The following GRM2 variants were observed in gnomAD, a reference collection of about 807,000 sequenced individuals.
The protein encoded by GRM2 is glutamate metabotropic receptor 2.
Under a neutral mutation model 60.4 loss-of-function variants are expected in GRM2, and 35 were observed. The ratio of observed to expected loss-of-function variants is 0.58; its 90% CI spans 0.44 to 0.77. The LOEUF (loss-of-function observed/expected upper bound fraction) is 0.77, where lower values mean the gene tolerates loss of function less well. Ranked by LOEUF, GRM2 falls within the 30% of genes least tolerant of loss-of-function variation. The pLI, the probability that GRM2 is intolerant of heterozygous loss-of-function variation, is 0.00. For synonymous variants in GRM2, 437 were observed against 484.1 expected, an observed-to-expected ratio of 0.90 and a Z score of 1.28; for missense variants, 925 against 1,199.5, an observed-to-expected ratio of 0.77 and a Z score of 3.38.
At position 51,709,160 on chromosome 3, in the gene GRM2, C is replaced by A. The variant is rs778471244; in HGVS notation, c.177C>A (p.Ile59=). ...GTCCTGTCAATGAGCACCGTGGCAT[C>A]CAGCGCCTGGAGGCCATGCTTTTTG... The part of the protein sequence containing the change: ...DCGPVNEHRG[I]QRLEAMLFAL... Residue 59 remains isoleucine (I), a synonymous_variant, in exon 2 of 6, where the codon ATC becomes ATA. Coordinates refer to ENST00000395052, the MANE Select transcript of GRM2 (RefSeq NM_000839.5). The A allele has an allele frequency of 1.9e-6, 3 of 1,612,458 alleles. No homozygotes were observed. The highest frequency in any genetic ancestry group is 2.5e-6 in the Non-Finnish European group (3 of 1,179,632).
At position 51,715,054 on chromosome 3, in the gene GRM2, C is replaced by T. The variant is rs201150100; in HGVS notation, c.1289-8C>T. 6.6e-7 allele frequency: 1 copy of T among 1,517,784 alleles called. No individual in the cohort carries two copies. Among genetic ancestry groups the T allele is most frequent in the Non-Finnish European group, 8.9e-7 (1 of 1,121,202 alleles). 94.0% of individuals were successfully genotyped at this position (1,517,784 alleles called of 1,614,324 possible). ...CCAACCTTCTCTTCCTTCCCTCCCC[C>T]ATCCTAGCCCCCTTTCGCCCAGCTG... On this transcript the variant is annotated splice_region_variant and splice_polypyrimidine_tract_variant and intron_variant, in intron 3 of 5. Coordinates refer to ENST00000395052, the MANE Select transcript of GRM2 (RefSeq NM_000839.5). This position sits in a 1 kb window ranked among gnomAD's most constrained non-coding sequence, Gnocchi z 9.0.
Position 51,712,458 on chromosome 3 carries a change from C to G in GRM2, c.451-15C>G. ...ATCTGACCGCTGATCTTTGCCTTCT[C>G]TACTCCTCCCCCAGGTGGCCAACCT... is the stretch of plus-strand genomic sequence containing the variant. On this transcript the variant is annotated splice_polypyrimidine_tract_variant and intron_variant, in intron 2 of 5. Transcript: ENST00000395052. This position sits in a 1 kb window ranked among gnomAD's most constrained non-coding sequence, Gnocchi z 5.3. 6.4e-7 allele frequency: 1 copy of G among 1,563,270 alleles called. No individual in the cohort carries two copies. Among genetic ancestry groups the G allele is most frequent in the Non-Finnish European group, 8.8e-7 (1 of 1,136,840 alleles).
At chr3:51,709,660 A>ACG (rs1703622403) in intron 2 of GRM2, among the ~76,000 whole-genome samples, 1 of 79,914 alleles carries the variant, frequency 1.3e-5, no homozygotes, top group African/African-American at 4.6e-5. Flanking sequence ...CCACACACAC[A>ACG]CACACCCTCA....
At chr3:51,709,836 C>T (rs1426016217) in intron 2 of GRM2, among the ~76,000 whole-genome samples, 6 of 127,518 alleles carry the variant, frequency 4.7e-5, no homozygotes, top group East Asian at 4.3e-4. Context: ...CCCAGACACA[C>T]ACACCCTCAC....
At chr3:51,714,928 T>A in intron 3 of GRM2, 134 bp from the exon 4 acceptor site, 1 of 534,392 alleles carries the variant, frequency 1.9e-6, no homozygotes. Flanking sequence ...CAGGATTTAG[T>A]ATTGGGTTAA....
In GRM2 at chr3:51,712,526, C is replaced by A. The variant is rs747436744; in HGVS notation, c.504C>A (p.Thr168=). 5 of 1,614,128 alleles carry A rather than the reference C, an allele frequency of 3.1e-6. No homozygotes were observed. The highest frequency in any genetic ancestry group is 4.2e-6 in the Non-Finnish European group (5 of 1,180,022). Residue 168 remains threonine (T), a synonymous_variant, in exon 3 of 6, where the codon ACC becomes ACA. Transcript: ENST00000395052. The surrounding 1 kb of genome is among the most constrained non-coding windows in gnomAD (Gnocchi z 5.3). ...FQIPQISYAS[T]SAKLSDKSRY... The stretch of plus-strand genomic sequence containing the variant: ...TCCCACAGATTAGCTACGCCTCTAC[C>A]AGTGCCAAGCTGAGTGACAAGTCCC...
intron 2 of GRM2, among the ~76,000 whole-genome samples, chr3:51,710,001 C>CT (rs1250830953): frequency 8.1e-6 from 1 of 124,048 alleles, no homozygotes; most frequent in East Asian, 2.4e-4. Flanking sequence ...TTTTTTTTTT[C>CT]TTTTTTGAGA....
Position 51,713,690 on chromosome 3 carries a change from C to T in GRM2, c.1288+380C>T, listed in dbSNP as rs140474756. The T allele has an allele frequency of 6.0e-5, 18 of 301,456 alleles. No individual in the cohort carries two copies. Among genetic ancestry groups the T allele is most frequent in the South Asian group, 2.5e-4 (6 of 23,652 alleles). 18.7% of individuals were successfully genotyped at this position (301,456 alleles called of 1,614,324 possible). ...GGCTTGAGGGTGAGCATCAGGATGA[C>T]GCTCTATATTCACGGAAAATGTCTT... On this transcript the variant is annotated intron_variant, in intron 3 of 5. Coordinates refer to ENST00000395052, the MANE Select transcript of GRM2 (RefSeq NM_000839.5). The surrounding 1 kb of genome is among the most constrained non-coding windows in gnomAD (Gnocchi z 4.8).
rs528778745 is a variant in GRM2 at position 51,715,309 on chromosome 3, G to C, written c.1536G>C (p.Val512=). The C allele has an allele frequency of 3.1e-6, 5 of 1,613,192 alleles. No individual in the cohort carries two copies. In the African/African-American group the frequency reaches 6.7e-5, roughly 21 times the overall value. ...GCCTCCAGAATGAGGTGAAGAGTGT[G>C]CAGCCGGGCGAAGTCTGCTGCTGGC... ...EPCLQNEVKS[V]QPGEVCCWLC... is the part of the protein sequence containing the mutation. The change falls in exon 4 of 6, where the codon GTG becomes GTC. Residue 512 remains valine, a synonymous_variant. Coordinates refer to ENST00000395052, the MANE Select transcript of GRM2 (RefSeq NM_000839.5). The surrounding 1 kb of genome is among the most constrained non-coding windows in gnomAD (Gnocchi z 9.0).
At chr3:51,708,734 C>T in intron 1 of GRM2, 114 bp from the exon 2 acceptor site, 1 of 469,512 alleles carries the variant, frequency 2.1e-6, no homozygotes, top group East Asian at 3.3e-5. Flanking sequence ...CTGTCCCTCC[C>T]TGGCTTTTGA....
intron 2 of GRM2, among the ~76,000 whole-genome samples, chr3:51,710,617 A>G (rs1703679520): frequency 6.7e-6 from 1 of 150,212 alleles, no homozygotes; most frequent in African/African-American, 2.5e-5. Flanking sequence ...CAGAAGGAAG[A>G]TAAACAGAAT....
rs201672494 is a variant in GRM2, at chr3:51,717,705, G to A, written c.2433G>A (p.Ala811=). 7 of 1,613,994 alleles carry A rather than the reference G, an allele frequency of 4.3e-6. No individual in the cohort carries two copies. The highest frequency in any genetic ancestry group is 5.9e-6 in the Non-Finnish European group (7 of 1,179,964). The change falls in exon 5 of 6, where the codon GCG becomes GCA. Residue 811 remains alanine (A), a synonymous_variant. Transcript: ENST00000395052. The surrounding 1 kb of genome is among the most constrained non-coding windows in gnomAD (Gnocchi z 6.0). ...SGSVVLGCLF[A]PKLHIILFQP... The stretch of plus-strand genomic sequence containing the variant: ...CCGTGGTGCTTGGCTGCCTCTTTGC[G>A]CCCAAGCTGCACATCATCCTCTTCC...
At position 51,712,824 on chromosome 3, in the gene GRM2, C is replaced by G. The variant is rs1199867200; in HGVS notation, c.802C>G (p.Leu268Val). ...GAAGCCCAGTGCCCGCGTGGCTGTC[C>G]TGTTCACCCGTTCTGAGGATGCCCG... ...LQKPSARVAV[L>V]FTRSEDAREL... is the part of the protein sequence containing the mutation. Residue 268 changes from leucine (L) to valine (V), a missense_variant, in exon 3 of 6, where the codon CTG becomes GTG. Leu to Val is a conservative substitution (Grantham distance 32). Coordinates refer to ENST00000395052, the MANE Select transcript of GRM2 (RefSeq NM_000839.5). This position sits in a 1 kb window ranked among gnomAD's most constrained non-coding sequence, Gnocchi z 5.3. 4 of 1,612,856 alleles carry G rather than the reference C, an allele frequency of 2.5e-6. No homozygotes were observed. In the African/African-American group the frequency reaches 5.3e-5, roughly 22 times the overall value.
rs982835926 is a variant in GRM2, at chr3:51,717,808, C to T, written c.2536C>T (p.Leu846Phe). 2 of 1,613,684 alleles carry T rather than the reference C, an allele frequency of 1.2e-6. No homozygotes were observed. Among genetic ancestry groups the T allele is most frequent in the African/African-American group, 1.3e-5 (1 of 74,934 alleles). Residue 846 changes from leucine to phenylalanine, a missense_variant, in exon 5 of 6, where the codon CTT becomes TTT. Leu to Phe is a conservative substitution (Grantham distance 22). Transcript: ENST00000395052. The surrounding 1 kb of genome is among the most constrained non-coding windows in gnomAD (Gnocchi z 6.0). ...GSAAARASSS[L>F]GQGSGSQFVP... is the part of the protein sequence containing the mutation. ...TGCTGCTGCCAGGGCCAGCTCCAGC[C>T]TTGGCCAAGGTCAGTGTCCTAAGCA...
chr3:51,716,062 C>T lies in GRM2; in HGVS notation c.2289C>T (p.Gly763=). ...PENFNEAKFI[G]FTMYTTCIIW... ...ACTTCAACGAGGCCAAGTTCATTGGCTTCACCATGTACACCACCTGCATCA... is the reference window on the plus strand; with the variant it reads ...ACTTCAACGAGGCCAAGTTCATTGGTTTCACCATGTACACCACCTGCATCA... Residue 763 remains glycine (G), a synonymous_variant, in exon 4 of 6, where the codon GGC becomes GGT. Coordinates refer to ENST00000395052, the MANE Select transcript of GRM2 (RefSeq NM_000839.5). The surrounding 1 kb of genome is among the most constrained non-coding windows in gnomAD (Gnocchi z 4.0). The T allele has an allele frequency of 6.2e-7, 1 of 1,614,264 alleles. No homozygotes were observed. Among genetic ancestry groups the T allele is most frequent in the African/African-American group, 1.3e-5 (1 of 75,070 alleles).
At chr3:51,708,578 C>T (rs1383898869) in intron 1 of GRM2, 1 of 172,962 alleles carries the variant, frequency 5.8e-6, no homozygotes, top group East Asian at 1.6e-4. Flanking sequence ...CTCCTGTCCT[C>T]TGCCTGGGAC....
Position 51,715,778 on chromosome 3 carries a change from C to G in GRM2, c.2005C>G (p.Gln669Glu), listed in dbSNP as rs773571589. 26 of 1,613,322 alleles carry G rather than the reference C, an allele frequency of 1.6e-5. No individual in the cohort carries two copies. Among genetic ancestry groups the G allele is most frequent in the Non-Finnish European group, 2.2e-5 (26 of 1,179,598 alleles). ...CTTCGGTGGGGCCCGGGAGGGTGCC[C>G]AGCGGCCACGCTTCATCAGTCCTGC... ...RIFGGAREGA[Q>E]RPRFISPASQ... is the part of the protein sequence containing the mutation. The change falls in exon 4 of 6, where the codon CAG becomes GAG. Residue 669 changes from glutamine (Q) to glutamate (E), a missense_variant. Coordinates refer to ENST00000395052, the MANE Select transcript of GRM2 (RefSeq NM_000839.5). The surrounding 1 kb of genome is among the most constrained non-coding windows in gnomAD (Gnocchi z 9.0).
rs369362488 is a variant in GRM2, at chr3:51,715,890, G to T, written c.2117G>T (p.Gly706Val). 107 of 1,613,310 alleles carry T rather than the reference G, an allele frequency of 6.6e-5. No homozygotes were observed. Among genetic ancestry groups the T allele is most frequent in the Non-Finnish European group, 8.7e-5 (103 of 1,179,918 alleles). ...AWLVVEAPGT[G>V]KETAPERREV... ...CTGGTGGTGGAGGCACCGGGCACAGGCAAGGAGACAGCCCCCGAACGGCGG... is the reference window on the plus strand; with the variant it reads ...CTGGTGGTGGAGGCACCGGGCACAGTCAAGGAGACAGCCCCCGAACGGCGG... The change falls in exon 4 of 6, where the codon GGC (glycine) becomes GTC (valine). Residue 706 changes from glycine (G) to valine (V), a missense_variant. Coordinates refer to ENST00000395052, the MANE Select transcript of GRM2 (RefSeq NM_000839.5). This position sits in a 1 kb window ranked among gnomAD's most constrained non-coding sequence, Gnocchi z 9.0.
chr3:51,708,722 T>C, intron 1 of GRM2, 126 bp from the exon 2 acceptor site: 1 of 444,272 alleles, frequency 2.3e-6, no homozygotes. Context: ...AATGACACCA[T>C]CCTGTCCCTC....
Sources: allele counts gnomAD v4.1 joint callset (sites outside exome capture counted in the v4.1 genomes callset), GRCh38; gene constraint gnomAD v4.1.1; non-coding constraint Gnocchi (gnomAD v3.1); transcripts MANE v1.5; gene names NCBI Gene and HGNC (gene_info 2026-07-23, HGNC 2026-07-21).